Variants in DENND2B observed in about 807,000 individuals in gnomAD.
DENND2B encodes the protein DENN domain-containing protein 2B.
A neutral mutation model predicts 116.0 loss-of-function variants in DENND2B; 32 were observed. That is an observed-to-expected ratio of 0.28 (90% CI 0.21 to 0.37). The LOEUF (loss-of-function observed/expected upper bound fraction) is 0.37, where lower values mean the gene tolerates loss of function less well. Among genes scored for constraint, DENND2B ranks in the 10% least tolerant of loss-of-function variants. The pLI is 1.00. For synonymous variants in DENND2B, 588 were observed against 583.9 expected (o/e 1.01, Z -0.10); for missense variants, 1,276 against 1,477.7 (o/e 0.86, Z 2.24).
At chr11:8,822,067 C>G (rs765873649) in intron 4 of DENND2B, among the ~76,000 whole-genome samples, 1 of 152,160 alleles carries the variant, frequency 6.6e-6, no homozygotes, top group Non-Finnish European at 1.5e-5. Context: ...TAAATTAAAT[C>G]AATTACTGGT....
At chr11:8,770,486 A>G (rs2056663216) in intron 1 of DENND2B, among the ~76,000 whole-genome samples, 1 of 152,220 alleles carries the variant, frequency 6.6e-6, no homozygotes, top group South Asian at 2.1e-4. Context: ...TGTCTGGCTC[A>G]TAGTTAGGAC....
rs375536411 is a variant in DENND2B at position 8,711,097 on chromosome 11, T to C, written c.2282+25A>G. ...GGGTAAAGAAGGCTATGCTCCTTCC[T>C]CCCTCAGGCCAGGCCAGGCCTCACC... is the stretch of plus-strand genomic sequence containing the variant. On this transcript the variant is annotated intron_variant, in intron 10 of 19. Transcript: ENST00000313726. 28 of 1,609,674 alleles carry C rather than the reference T, an allele frequency of 1.7e-5. No homozygotes were observed. In the African/African-American group the frequency reaches 3.7e-4, roughly 22 times the overall value.
At chr11:8,752,076 A>G (rs573501601) in intron 1 of DENND2B, among the ~76,000 whole-genome samples, 1 of 152,364 alleles carries the variant, frequency 6.6e-6, no homozygotes. Context: ...GACAATGAGC[A>G]CACATGAATT....
intron 1 of DENND2B, chr11:8,807,890 C>G (rs1463933895): frequency 6.6e-6 from 1 of 152,218 alleles, no homozygotes; most frequent in Non-Finnish European, 1.5e-5. Flanking sequence ...AGACACCACT[C>G]CGGGATATGG....
At position 8,841,322 on chromosome 11, in the gene DENND2B, GAAAC is replaced by G. The variant is rs957013833; in HGVS notation, c.-155-1976_-155-1973del. Among the ~76,000 whole-genome samples the G allele has an allele frequency of 2.8e-4, 42 of 152,070 alleles. No homozygotes were observed. The South Asian group carries it at 4.6e-3, about 17-fold the overall frequency. ...TTTTTCCTATATTGGTCCAAATTAA[GAAAC>G]AAACAAACAAACAAACAAAACGTGT... On this transcript the variant is annotated intron_variant, in intron 3 of 6. Coordinates refer to the DENND2B transcript ENST00000524757.
chr11:8,711,306 CCT>C (rs1450918309), intron 9 of DENND2B, 75 bp from the exon 10 acceptor site: 17 of 1,301,510 alleles, frequency 1.3e-5, no homozygotes, highest in South Asian at 3.6e-5. Flanking sequence ...CCCCTCCTCC[CCT>C]GAGGGCCCTA....
chr11:8,878,316 A>G (rs553808683), intron 2 of DENND2B, among the ~76,000 whole-genome samples: 1 of 152,362 alleles, frequency 6.6e-6, no homozygotes, highest in South Asian at 2.1e-4. Flanking sequence ...AACTACTTGT[A>G]CACAAAAGTT....
intron 2 of DENND2B, among the ~76,000 whole-genome samples, chr11:8,736,828 C>G (rs1321627716): frequency 2.0e-5 from 3 of 152,168 alleles, no homozygotes; most frequent in Non-Finnish European, 4.4e-5. Flanking sequence ...CCATGGGCCA[C>G]TGATAAGACT....
intron 1 of DENND2B, among the ~76,000 whole-genome samples, chr11:8,775,632 C>A (rs2134213438): frequency 6.6e-6 from 1 of 152,324 alleles, no homozygotes; most frequent in Non-Finnish European, 1.5e-5. Flanking sequence ...CAGCCCCATG[C>A]TCAAGGACAC....
chr11:8,779,119 A>G (rs2058067307), intron 1 of DENND2B, among the ~76,000 whole-genome samples: 1 of 152,232 alleles, frequency 6.6e-6, no homozygotes, highest in African/African-American at 2.4e-5. Flanking sequence ...AAACGATGCA[A>G]GTGTGGGACA....
At chr11:8,711,953 C>G (rs1205261391) in intron 9 of DENND2B, 1 of 455,892 alleles carries the variant, frequency 2.2e-6, no homozygotes, top group Admixed American at 2.3e-5. Flanking sequence ...CTGGACAGAC[C>G]TCCTGAAAGA....
At chr11:8,737,595 A>G (rs1166900503) in intron 2 of DENND2B, among the ~76,000 whole-genome samples, 1 of 152,218 alleles carries the variant, frequency 6.6e-6, no homozygotes, top group East Asian at 1.9e-4. Context: ...TTTTCCTAAA[A>G]AAGGAACAAA....
chr11:8,897,145 T>C (rs897080383), intron 1 of DENND2B, among the ~76,000 whole-genome samples: 1 of 152,120 alleles, frequency 6.6e-6, no homozygotes, highest in African/African-American at 2.4e-5. Flanking sequence ...TAATCCCAGC[T>C]ACTCTGGAGG....
At chr11:8,748,943 A>C (rs1042623707) in intron 2 of DENND2B, among the ~76,000 whole-genome samples, 1 of 152,196 alleles carries the variant, frequency 6.6e-6, no homozygotes. Context: ...GAAGGAAAAA[A>C]AAAGAATATT....
At chr11:8,697,702 CT>C (rs2040621985) in intron 16 of DENND2B, 66 bp from the exon 17 acceptor site, 16 of 1,042,958 alleles carry the variant, frequency 1.5e-5, no homozygotes, top group Non-Finnish European at 2.4e-5. Flanking sequence ...GTGCTAAGAC[CT>C]GTTAGAAGAG....
chr11:8,785,098 A>G (rs1308337445), intron 1 of DENND2B: 1 of 152,182 alleles, frequency 6.6e-6, no homozygotes, highest in Non-Finnish European at 1.5e-5. Context: ...AAGGTACAAC[A>G]TCTAAGATGC....
At chr11:8,739,559 C>T (rs900297412) in intron 2 of DENND2B, among the ~76,000 whole-genome samples, 1 of 152,254 alleles carries the variant, frequency 6.6e-6, no homozygotes, top group African/African-American at 2.4e-5. Flanking sequence ...CTGCTCTTAT[C>T]ATCTCTCTGT....
At chr11:8,711,255 G>A in intron 9 of DENND2B, 24 bp from the exon 10 acceptor site, 2 of 1,609,192 alleles carry the variant, frequency 1.2e-6, no homozygotes, top group Non-Finnish European at 1.7e-6. Flanking sequence ...GGAACCAGGA[G>A]ATGACATGGA....
At position 8,717,840 on chromosome 11, in the gene DENND2B, T is replaced by C; in HGVS notation, c.1530A>G (p.Arg510=). 6.2e-7 allele frequency: 1 copy of C among 1,613,532 alleles called. No individual in the cohort carries two copies. Among genetic ancestry groups the C allele is most frequent in the Non-Finnish European group, 8.5e-7 (1 of 1,179,622 alleles). ...ACAGTTGCTGGGATTTTCGTCCTGC[T>C]CTTCGGCTCTTTAAGTCCACATCCT... ...PYEDVDLKSR[R]AGRKSQQLSE... Residue 510 remains arginine, a synonymous_variant, in exon 5 of 20, where the codon AGA becomes AGG. Transcript: ENST00000313726.
Sources: gnomAD v4.1 joint callset for allele counts (sites outside exome capture counted in the v4.1 genomes callset) on GRCh38, gnomAD v4.1.1 for gene constraint, MANE v1.5 for transcripts, NCBI Gene and HGNC (gene_info 2026-07-23, HGNC 2026-07-21) for gene names.